Variants in UNC5D observed in about 807,000 individuals in gnomAD.
The protein encoded by UNC5D is unc-5 netrin receptor D.
Under a neutral mutation model 105.4 loss-of-function variants are expected in UNC5D, and 39 were observed. The ratio of observed to expected loss-of-function variants is 0.37; its 90% CI spans 0.29 to 0.48. UNC5D has a LOEUF of 0.48. Ranked by LOEUF, UNC5D falls within the 20% of genes least tolerant of loss-of-function variation. UNC5D has a pLI of 0.98. For missense variants in UNC5D, 991 were observed against 1,202.4 expected, an observed-to-expected ratio of 0.82 and a Z score of 2.60; for synonymous variants, 452 against 450.4, an observed-to-expected ratio of 1.00 and a Z score of -0.04.
At chr8:35,421,091 A>C (rs1251643992) in intron 1 of UNC5D, among the ~76,000 whole-genome samples, 1 of 152,130 alleles carries the variant, frequency 6.6e-6, no homozygotes, top group Non-Finnish European at 1.5e-5. Context: ...GCCACAGAGG[A>C]CTACCTCTTC....
chr8:35,711,779 G>A (rs1177057926), intron 8 of UNC5D, among the ~76,000 whole-genome samples: 3 of 152,080 alleles, frequency 2.0e-5, no homozygotes, highest in East Asian at 1.9e-4. Context: ...AAACTATCCC[G>A]TTTTTGTTCT....
chr8:35,586,024 G>A (rs1035250120), intron 3 of UNC5D, among the ~76,000 whole-genome samples: 1 of 152,100 alleles, frequency 6.6e-6, no homozygotes, highest in Non-Finnish European at 1.5e-5. Context: ...TGTAATCCCC[G>A]CACTTTGGGA....
intron 3 of UNC5D, 84 bp from the exon 4 acceptor site, chr8:35,595,470 A>C (rs1819433722): frequency 8.8e-7 from 1 of 1,135,900 alleles, no homozygotes; most frequent in Admixed American, 1.7e-5. Flanking sequence ...TTGTGATATT[A>C]AGCTCACTTT....
chr8:35,746,567 C>T (rs1314058339), intron 11 of UNC5D, among the ~76,000 whole-genome samples: 1 of 152,150 alleles, frequency 6.6e-6, no homozygotes, highest in Admixed American at 6.5e-5. Context: ...TGCCCTGGCT[C>T]ATATTCAATA....
At chr8:35,625,394 T>C (rs1821646916) in intron 4 of UNC5D, among the ~76,000 whole-genome samples, 1 of 152,228 alleles carries the variant, frequency 6.6e-6, no homozygotes, top group African/African-American at 2.4e-5. Flanking sequence ...TGTAAAATAA[T>C]TTCTCTTCTG....
At chr8:35,536,221 G>A (rs1166661400) in intron 1 of UNC5D, among the ~76,000 whole-genome samples, 1 of 152,214 alleles carries the variant, frequency 6.6e-6, no homozygotes, top group African/African-American at 2.4e-5. Flanking sequence ...CAGGATAACT[G>A]TCAAATCAAA....
At chr8:35,763,403 A>G (rs919117279) in intron 14 of UNC5D, among the ~76,000 whole-genome samples, 7 of 149,786 alleles carry the variant, frequency 4.7e-5, no homozygotes, top group African/African-American at 1.2e-4. Flanking sequence ...AATTTAGCAA[A>G]TGATACCAGA....
At position 35,247,497 on chromosome 8, in the gene UNC5D, G is replaced by T. The variant is rs372441372; in HGVS notation, c.103+11610G>T. Among the ~76,000 whole-genome samples the T allele has an allele frequency of 1.1e-3, 143 of 131,966 alleles. No homozygotes were observed. In the Middle Eastern group the frequency reaches 0.031, roughly 28 times the overall value. 86.6% of individuals were successfully genotyped at this position (131,966 alleles called of 152,430 possible). The stretch of plus-strand genomic sequence containing the variant: ...TTTGTTCAGTATGAATCTACTAGGA[G>T]ATCCTAAATAACTTCTCTCTCTCTC... On this transcript the variant is annotated intron_variant, in intron 1 of 16. Coordinates refer to ENST00000404895, the MANE Select transcript of UNC5D (RefSeq NM_080872.4).
At chr8:35,419,770 C>G (rs555367423) in intron 1 of UNC5D, among the ~76,000 whole-genome samples, 2 of 152,284 alleles carry the variant, frequency 1.3e-5, no homozygotes, top group South Asian at 4.1e-4. Context: ...GTTACTGGTC[C>G]TTTTACACCC....
chr8:35,600,582 C>G (rs1586219199), intron 4 of UNC5D, among the ~76,000 whole-genome samples: 1 of 152,156 alleles, frequency 6.6e-6, no homozygotes, highest in African/African-American at 2.4e-5. Context: ...TGTCTTTTGG[C>G]TGCATAAATG....
intron 1 of UNC5D, among the ~76,000 whole-genome samples, chr8:35,499,637 A>G (rs1241323748): frequency 6.6e-6 from 1 of 152,182 alleles, no homozygotes; most frequent in Non-Finnish European, 1.5e-5. Context: ...TTTTGGGTTT[A>G]ATGTAGAAAA....
intron 1 of UNC5D, among the ~76,000 whole-genome samples, chr8:35,479,306 T>C (rs1420780288): frequency 6.6e-6 from 1 of 152,130 alleles, no homozygotes; most frequent in Admixed American, 6.5e-5. Flanking sequence ...GAAATCAAGA[T>C]TCCTGATCTC....
rs1473834542 is a variant in UNC5D, at chr8:35,393,767, A to G, written c.104-155525A>G. Among the ~76,000 whole-genome samples the G allele has an allele frequency of 4.6e-5, 7 of 152,330 alleles. No homozygotes were observed. In the East Asian group the frequency reaches 9.6e-4, roughly 21 times the overall value. ...ACTCCCTCCTCCCTTTTTCATTACC[A>G]TAAGGTCTTCCAGCCATAGAAGATA... On this transcript the variant is annotated intron_variant, in intron 1 of 16. Coordinates refer to ENST00000404895, the MANE Select transcript of UNC5D (RefSeq NM_080872.4).
At chr8:35,535,437 G>GTT (rs111304147) in intron 1 of UNC5D, among the ~76,000 whole-genome samples, 1 of 142,468 alleles carries the variant, frequency 7.0e-6, no homozygotes. Flanking sequence ...TGTTGTTGCT[G>GTT]TTTTTTTTTT....
intron 8 of UNC5D, among the ~76,000 whole-genome samples, chr8:35,715,044 G>A (rs1828178056): frequency 6.6e-6 from 1 of 152,146 alleles, no homozygotes; most frequent in South Asian, 2.1e-4. Flanking sequence ...CCAGCTGCTC[G>A]GGAGGCTGAG....
chr8:35,362,366 G>A (rs1302440771), intron 1 of UNC5D, among the ~76,000 whole-genome samples: 1 of 152,168 alleles, frequency 6.6e-6, no homozygotes, highest in Non-Finnish European at 1.5e-5. Context: ...ACTTAGCCCA[G>A]AGCCTGACAC....
intron 1 of UNC5D, among the ~76,000 whole-genome samples, chr8:35,248,641 AAT>A (rs1316938449): frequency 4.1e-5 from 4 of 98,596 alleles, no homozygotes; most frequent in South Asian, 3.2e-4. Flanking sequence ...TGTTATATAT[AAT>A]ATATATATTT....
chr8:35,322,784 C>T (rs527863870), intron 1 of UNC5D, among the ~76,000 whole-genome samples: 56 of 152,260 alleles, frequency 3.7e-4, no homozygotes, highest in African/African-American at 1.3e-3. Context: ...TGGCTCAGTA[C>T]GTACGATTTC....
intron 1 of UNC5D, among the ~76,000 whole-genome samples, chr8:35,332,971 T>G (rs1016218194): frequency 6.6e-6 from 1 of 152,192 alleles, no homozygotes; most frequent in Non-Finnish European, 1.5e-5. Flanking sequence ...TACATAATTT[T>G]GGGGAAGAAC....
Sources: allele counts gnomAD v4.1 joint callset (sites outside exome capture counted in the v4.1 genomes callset), GRCh38; gene constraint gnomAD v4.1.1; transcripts MANE v1.5; gene names NCBI Gene and HGNC (gene_info 2026-07-23, HGNC 2026-07-21).